Variants in DCTN5 observed in about 807,000 individuals in gnomAD.
DCTN5 encodes the protein dynactin 4.
Under a neutral mutation model 23.5 loss-of-function variants are expected in DCTN5, and 14 were observed. The observed-to-expected ratio is 0.60, with a 90% confidence interval of 0.39 to 0.93. DCTN5 has a LOEUF of 0.93. Ranked by LOEUF, DCTN5 falls within the 40% of genes least tolerant of loss-of-function variation. DCTN5 has a pLI of 0.00. For synonymous variants in DCTN5, 67 were observed against 79.6 expected (o/e 0.84, Z 0.84); for missense variants, 156 against 225.9 (o/e 0.69, Z 1.98).
rs1024176617 is a variant in DCTN5, at chr16:23,674,462, A to G, written c.*7318A>G. ...TCCTGCTTTTGACAGACCAGACTCA[A>G]ACCTTCTCTGGGGCTTCTCTCACTG... On this transcript the variant is annotated 3_prime_UTR_variant, in exon 6 of 6. Coordinates refer to ENST00000300087, the MANE Select transcript of DCTN5 (RefSeq NM_032486.4). The G allele has an allele frequency of 2.0e-5, 3 of 152,188 alleles. No homozygotes were observed. Among genetic ancestry groups the G allele is most frequent in the Non-Finnish European group, 4.4e-5 (3 of 68,050 alleles). The allele number at this position is 152,188 out of a possible 1,614,324, so 9.4% of individuals were successfully genotyped here.
rs1968028477 is a variant in DCTN5, at chr16:23,672,740, A to G, written c.*5596A>G. 1 of 152,238 alleles carries G rather than the reference A, an allele frequency of 6.6e-6. No homozygotes were observed. The highest frequency in any genetic ancestry group is 2.4e-5 in the African/African-American group (1 of 41,466). The allele number at this position is 152,238 out of a possible 1,614,324, so 9.4% of individuals were successfully genotyped here. A position where few individuals can be genotyped will look rare whatever the true frequency, so the allele number is the denominator to read the frequency against. ...CTTAGCCTTGTGCCTGGCACATAGT[A>G]AATGCTTAATAAGGGTTCACTGTTA... On this transcript the variant is annotated 3_prime_UTR_variant, in exon 6 of 6. Coordinates refer to ENST00000300087, the MANE Select transcript of DCTN5 (RefSeq NM_032486.4).
intron 4 of DCTN5, among the ~76,000 whole-genome samples, chr16:23,663,203 A>G (rs1967846646): frequency 6.6e-6 from 1 of 152,232 alleles, no homozygotes; most frequent in Admixed American, 6.5e-5. Flanking sequence ...TTAACAAGCA[A>G]TATTTATAGG....
At position 23,661,717 on chromosome 16, in the gene DCTN5, TATAAATAAATAA is replaced by T. The variant is rs370377120; in HGVS notation, c.348+462_348+473del. Among the ~76,000 whole-genome samples, 91 of 148,536 alleles carry T rather than the reference TATAAATAAATAA, an allele frequency of 6.1e-4. 1 individual carries two copies. The highest frequency in any genetic ancestry group is 5.4e-3 in the South Asian group (25 of 4,646). On this transcript the variant is annotated intron_variant, in intron 4 of 5. Transcript: ENST00000300087. ...TGGGCAACAAAACGAGACACTGTCT[TATAAATAAATAA>T]ATAAATAAATAAATAAATAAATAAA...
rs776023336 is a variant in DCTN5 at position 23,658,489 on chromosome 16, A to AT, written c.118-15dup. On this transcript the variant is annotated splice_polypyrimidine_tract_variant and intron_variant, in intron 2 of 5. Coordinates refer to ENST00000300087, the MANE Select transcript of DCTN5 (RefSeq NM_032486.4). Reference sequence around the variant, plus strand: ...TAGGCTATGTTGCTAATTTTTTAAAATTTGCTTCGTCTTACAGACCATTGT... The same window carrying AT: ...TAGGCTATGTTGCTAATTTTTTAAAATTTTGCTTCGTCTTACAGACCATTGT... The AT allele has an allele frequency of 3.3e-5, 52 of 1,591,314 alleles. No individual in the cohort carries two copies. Among genetic ancestry groups the AT allele is most frequent in the Non-Finnish European group, 4.1e-5 (48 of 1,159,770 alleles).
chr16:23,658,637 A>C lies in DCTN5; in HGVS notation c.236+12A>C. On this transcript the variant is annotated intron_variant, in intron 3 of 5. Transcript: ENST00000300087. ...AAGTTCAGCAAAGGGTATGTAATTT[A>C]ATTACTTTGTTCAAGTCTTGGGCAA... The C allele has an allele frequency of 6.2e-7, 1 of 1,606,004 alleles. No homozygotes were observed. The highest frequency in any genetic ancestry group is 8.5e-7 in the Non-Finnish European group (1 of 1,172,630).
chr16:23,650,687 A>G (rs1011025279), intron 2 of DCTN5: 2 of 1,422,430 alleles, frequency 1.4e-6, no homozygotes, highest in Non-Finnish European at 1.9e-6. Flanking sequence ...TCTTGGTGGA[A>G]AGTTACTTTG....
Position 23,644,191 on chromosome 16 carries a change from G to A in DCTN5, c.117+1168G>A, listed in dbSNP as rs577149165. Reference sequence around the variant, plus strand: ...CACCCAGGTCGGAGTACAGTGGCGCGATCTTGGCTCACTGCAACTTCCACC... The same window carrying A: ...CACCCAGGTCGGAGTACAGTGGCGCAATCTTGGCTCACTGCAACTTCCACC... On this transcript the variant is annotated intron_variant, in intron 2 of 5. Coordinates refer to ENST00000300087, the MANE Select transcript of DCTN5 (RefSeq NM_032486.4). Among the ~76,000 whole-genome samples the A allele has an allele frequency of 9.9e-5, 15 of 151,734 alleles. 1 individual carries two copies. The South Asian group carries it at 1.9e-3, about 19-fold the overall frequency.
chr16:23,642,758 A>G, intron 1 of DCTN5, 197 bp from the exon 2 acceptor site: 1 of 575,372 alleles, frequency 1.7e-6, no homozygotes, highest in Non-Finnish European at 3.1e-6. Flanking sequence ...AAGTGCTGAG[A>G]TTACAGGCAT....
chr16:23,668,933 G>A lies in DCTN5; in HGVS notation c.*1789G>A, dbSNP rs1427610656. The stretch of plus-strand genomic sequence containing the variant: ...TGGCCACATGATTAATCCAGTCTGG[G>A]TCATGACCTTTTCTTCATCCAAAAC... On this transcript the variant is annotated 3_prime_UTR_variant, in exon 6 of 6. Transcript: ENST00000300087. 2.0e-5 allele frequency: 3 copies of A among 152,554 alleles called. No individual in the cohort carries two copies. The highest frequency in any genetic ancestry group is 7.2e-5 in the African/African-American group (3 of 41,440). The allele number at this position is 152,554 out of a possible 1,614,324, so 9.5% of individuals were successfully genotyped here. A position where few individuals can be genotyped will look rare whatever the true frequency, so the allele number is the denominator to read the frequency against.
At chr16:23,646,866 G>A (rs536986948) in intron 2 of DCTN5, among the ~76,000 whole-genome samples, 9 of 152,282 alleles carry the variant, frequency 5.9e-5, no homozygotes, top group African/African-American at 2.2e-4. Flanking sequence ...GTGAACCACT[G>A]TACCCAGCTT....
At position 23,670,368 on chromosome 16, in the gene DCTN5, T is replaced by C. The variant is rs1967983985; in HGVS notation, c.*3224T>C. On this transcript the variant is annotated 3_prime_UTR_variant, in exon 6 of 6. Transcript: ENST00000300087. ...AGGCCACAGTTCCTTTCTTAGTCAC[T>C]GATACATCTGGCAGACTTGAAATTA... is the stretch of plus-strand genomic sequence containing the variant. The C allele has an allele frequency of 6.6e-6, 1 of 152,224 alleles. No homozygotes were observed. The highest frequency in any genetic ancestry group is 2.1e-4 in the South Asian group (1 of 4,828). 9.4% of individuals were successfully genotyped at this position (152,224 alleles called of 1,614,324 possible).
At chr16:23,655,041 C>T (rs1319965667) in intron 2 of DCTN5, among the ~76,000 whole-genome samples, 1 of 152,182 alleles carries the variant, frequency 6.6e-6, no homozygotes, top group African/African-American at 2.4e-5. Flanking sequence ...TTTCTTTATC[C>T]TTTCGCCCAT....
At chr16:23,643,313 TC>T (rs1438808412) in intron 2 of DCTN5, among the ~76,000 whole-genome samples, 1 of 151,772 alleles carries the variant, frequency 6.6e-6, no homozygotes, top group African/African-American at 2.4e-5. Context: ...TGCCTCAGCC[TC>T]CCGAGTAGCT....
At position 23,654,965 on chromosome 16, in the gene DCTN5, T is replaced by C. The variant is rs180746706; in HGVS notation, c.118-3542T>C. 6.5e-3 allele frequency among the ~76,000 whole-genome samples: 995 copies of C among 152,344 alleles called. 9 individuals are homozygous for C. The highest frequency in any genetic ancestry group is 7.0e-3 in the Non-Finnish European group (477 of 68,030). ...TTTATGACTGAATAATATTCCATTATGTATATATACTACATTTTCTTCACT... is the reference window on the plus strand; with the variant it reads ...TTTATGACTGAATAATATTCCATTACGTATATATACTACATTTTCTTCACT... On this transcript the variant is annotated intron_variant, in intron 2 of 5. Transcript: ENST00000300087.
chr16:23,657,215 G>A (rs1313294426), intron 2 of DCTN5, among the ~76,000 whole-genome samples: 1 of 152,136 alleles, frequency 6.6e-6, no homozygotes, highest in Non-Finnish European at 1.5e-5. Context: ...ACTTTGGGAG[G>A]TCAAAGTTGG....
chr16:23,665,110 T>C (rs969980959), intron 4 of DCTN5, among the ~76,000 whole-genome samples: 2 of 152,198 alleles, frequency 1.3e-5, no homozygotes, highest in African/African-American at 2.4e-5. Context: ...AAGTGCTGCT[T>C]TCCCCAGTAG....
chr16:23,666,776 G>C (rs960134765), intron 5 of DCTN5: 5 of 492,342 alleles, frequency 1.0e-5, no homozygotes, highest in African/African-American at 9.7e-5. Context: ...AGATTCTTCG[G>C]GGAGGCATTT....
chr16:23,658,748 C>G lies in DCTN5; in HGVS notation c.236+123C>G, dbSNP rs1433025632. 3 of 744,520 alleles carry G rather than the reference C, an allele frequency of 4.0e-6. No individual in the cohort carries two copies. In the East Asian group the frequency reaches 7.4e-5, roughly 18 times the overall value. 46.1% of individuals were successfully genotyped at this position (744,520 alleles called of 1,614,324 possible). On this transcript the variant is annotated intron_variant, in intron 3 of 5. Transcript: ENST00000300087. ...CTGTTTGAAGCACTGAGTAAGAGTT[C>G]ACCATAATGAACACAACTCTGCTGG...
At position 23,671,256 on chromosome 16, in the gene DCTN5, T is replaced by C. The variant is rs1968001534; in HGVS notation, c.*4112T>C. On this transcript the variant is annotated 3_prime_UTR_variant, in exon 6 of 6. Coordinates refer to ENST00000300087, the MANE Select transcript of DCTN5 (RefSeq NM_032486.4). ...GATGATTGAAATGCATTTATACATG[T>C]AAAGCATAAGTACTGGCTCAGGGTG... is the stretch of plus-strand genomic sequence containing the variant. 1 of 152,156 alleles carries C rather than the reference T, an allele frequency of 6.6e-6. No homozygotes were observed. The highest frequency in any genetic ancestry group is 1.5e-5 in the Non-Finnish European group (1 of 68,044). The allele number at this position is 152,156 out of a possible 1,614,324, so 9.4% of individuals were successfully genotyped here.
Sources: allele counts gnomAD v4.1 joint callset (sites outside exome capture counted in the v4.1 genomes callset), GRCh38; gene constraint gnomAD v4.1.1; transcripts MANE v1.5; gene names NCBI Gene and HGNC (gene_info 2026-07-23, HGNC 2026-07-21).